PLCB1: variants seen among roughly 807,000 people sequenced by gnomAD.
PLCB1 encodes the protein phospholipase C beta 1.
PLCB1 carries 46 observed loss-of-function variants against 161.8 expected under a neutral mutation model. The ratio of observed to expected loss-of-function variants is 0.28; its 90% confidence interval spans 0.22 to 0.36. The LOEUF (loss-of-function observed/expected upper bound fraction) is 0.36, where lower values mean the gene tolerates loss of function less well. PLCB1 is among the 10% of genes least tolerant of loss of function. The pLI is 1.00. For synonymous variants in PLCB1, 517 were observed against 503.7 expected (o/e 1.03, Z -0.35); for missense variants, 1,016 against 1,472.5 (o/e 0.69, Z 5.07).
At chr20:8,717,137 G>T (rs1347128321) in intron 13 of PLCB1, among the ~76,000 whole-genome samples, 1 of 152,192 alleles carries the variant, frequency 6.6e-6, no homozygotes, top group African/African-American at 2.4e-5. Flanking sequence ...GGGCTGGGAG[G>T]AAATCTGAAG....
chr20:8,543,066 A>T (rs1367720802), intron 3 of PLCB1, among the ~76,000 whole-genome samples: 1 of 152,008 alleles, frequency 6.6e-6, no homozygotes, highest in Admixed American at 6.6e-5. Context: ...TAATCAAAAT[A>T]CCTCCGTATT....
chr20:8,307,048 A>G (rs915943161), intron 2 of PLCB1, among the ~76,000 whole-genome samples: 1 of 152,248 alleles, frequency 6.6e-6, no homozygotes, highest in African/African-American at 2.4e-5. Context: ...AGTGTTTCCA[A>G]CTGTCAGGTC....
rs551716928 is a variant in PLCB1 at position 8,615,293 on chromosome 20, A to G, written c.247-13001A>G. 7.5e-4 allele frequency among the ~76,000 whole-genome samples: 114 copies of G among 152,326 alleles called. 1 individual carries two copies. Among genetic ancestry groups the G allele is most frequent in the Non-Finnish European group, 1.4e-3 (93 of 68,024 alleles). On this transcript the variant is annotated intron_variant, in intron 3 of 31. Transcript: ENST00000338037. ...TTTTGCAAATCAGTTGGGTTTGGGA[A>G]AATCAAATTTATAGGGAAGACAGTG...
chr20:8,825,029 A>G (rs1600358950), intron 31 of PLCB1, among the ~76,000 whole-genome samples: 1 of 152,278 alleles, frequency 6.6e-6, no homozygotes, highest in African/African-American at 2.4e-5. Context: ...CCATCCCCAG[A>G]TGCCACCATA....
At chr20:8,826,283 C>A (rs769515460) in intron 31 of PLCB1, among the ~76,000 whole-genome samples, 2 of 151,980 alleles carry the variant, frequency 1.3e-5, no homozygotes, top group Non-Finnish European at 2.9e-5. Flanking sequence ...ATCACGAGGT[C>A]AGGAGATCGA....
intron 2 of PLCB1, among the ~76,000 whole-genome samples, chr20:8,221,270 C>T (rs1470838349): frequency 6.6e-6 from 1 of 152,218 alleles, no homozygotes; most frequent in Non-Finnish European, 1.5e-5. Context: ...ATTCAGGACT[C>T]GATCACCTCT....
chr20:8,451,824 A>C (rs1351337939), intron 3 of PLCB1, among the ~76,000 whole-genome samples: 1 of 132,918 alleles, frequency 7.5e-6, no homozygotes, highest in East Asian at 2.2e-4. Flanking sequence ...TCTTTCTTCC[A>C]TCTCCCTCTT....
At chr20:8,648,950 AAAAAG>A (rs778621801) in intron 6 of PLCB1, among the ~76,000 whole-genome samples, 54 of 149,326 alleles carry the variant, frequency 3.6e-4, no homozygotes, top group Admixed American at 4.7e-4. Context: ...CTAAAAAAAA[AAAAAG>A]AAAGAAAGAA....
At chr20:8,684,889 T>A in intron 9 of PLCB1, 43 bp from the exon 10 acceptor site, 3 of 1,494,668 alleles carry the variant, frequency 2.0e-6, no homozygotes, top group Non-Finnish European at 2.8e-6. Context: ...TTGACACCCA[T>A]AAAAGAATGC....
chr20:8,673,219 T>C (rs1269355604), intron 9 of PLCB1, among the ~76,000 whole-genome samples: 1 of 152,190 alleles, frequency 6.6e-6, no homozygotes, highest in Admixed American at 6.5e-5. Flanking sequence ...ACTTTACTTG[T>C]GAACCTAATA....
intron 18 of PLCB1, chr20:8,729,387 C>A: frequency 2.8e-6 from 1 of 356,420 alleles, no homozygotes; most frequent in Non-Finnish European, 5.0e-6. Flanking sequence ...ATCTTTATTT[C>A]TACAGGCTTT....
Position 8,881,859 on chromosome 20 carries a change from C to T in PLCB1, c.*10C>T. Reference sequence around the variant, plus strand: ...TGATACTCCTCTGTGAATGCTCCTGCCAGGCCTTCAGAAATTGCATGGCCA... The same window carrying T: ...TGATACTCCTCTGTGAATGCTCCTGTCAGGCCTTCAGAAATTGCATGGCCA... On this transcript the variant is annotated 3_prime_UTR_variant, in exon 32 of 32. Coordinates refer to ENST00000338037, the MANE Select transcript of PLCB1 (RefSeq NM_015192.4). The T allele has an allele frequency of 6.3e-7, 1 of 1,582,774 alleles. No homozygotes were observed. The highest frequency in any genetic ancestry group is 1.3e-5 in the African/African-American group (1 of 74,438).
chr20:8,261,502 C>A (rs2743161), intron 2 of PLCB1, among the ~76,000 whole-genome samples: 1,736 of 152,202 alleles, frequency 0.011, 23 homozygotes, highest in African/African-American at 0.039. Flanking sequence ...TCCAGCTTTG[C>A]GGTTGATGTC....
intron 3 of PLCB1, among the ~76,000 whole-genome samples, chr20:8,499,876 GATAA>G (rs949706414): frequency 8.3e-4 from 126 of 152,270 alleles, no homozygotes; most frequent in African/African-American, 2.8e-3. Context: ...AGGGAACACT[GATAA>G]ATAAACAGGT....
At chr20:8,426,148 C>T (rs150180769) in intron 3 of PLCB1, among the ~76,000 whole-genome samples, 7 of 152,274 alleles carry the variant, frequency 4.6e-5, no homozygotes, top group Non-Finnish European at 1.0e-4. Context: ...TTTCCTGAAA[C>T]GTGGAAGGAT....
At position 8,132,547 on chromosome 20, in the gene PLCB1, C is replaced by T. The variant is rs1283215700; in HGVS notation, c.-105C>T. 12 of 645,884 alleles carry T rather than the reference C, an allele frequency of 1.9e-5. No individual in the cohort carries two copies. The East Asian group carries it at 2.1e-4, about 11-fold the overall frequency. 40.0% of individuals were successfully genotyped at this position (645,884 alleles called of 1,614,324 possible). ...GCCGGCGGGGAGCAGAGTCGAGCGC[C>T]TCCGGAGCAGAGAAAGGAGCCCGCG... On this transcript the variant is annotated 5_prime_UTR_variant, in exon 1 of 32. Coordinates refer to ENST00000338037, the MANE Select transcript of PLCB1 (RefSeq NM_015192.4). The surrounding 1 kb of genome is among the most constrained non-coding windows in gnomAD (Gnocchi z 5.2).
intron 2 of PLCB1, among the ~76,000 whole-genome samples, chr20:8,313,449 C>G (rs1280724039): frequency 6.6e-6 from 1 of 152,102 alleles, no homozygotes; most frequent in Non-Finnish European, 1.5e-5. Context: ...CCCTTTCAAG[C>G]CTCCACCTGT....
chr20:8,455,432 C>CTCTTTTTT (rs1365729968), intron 3 of PLCB1, among the ~76,000 whole-genome samples: 13 of 74,208 alleles, frequency 1.8e-4, no homozygotes, highest in African/African-American at 7.7e-4. Flanking sequence ...TATTCTTCCT[C>CTCTTTTTT]TTTTTTTTTT....
At chr20:8,668,473 A>C (rs1453226716) in intron 9 of PLCB1, among the ~76,000 whole-genome samples, 1 of 152,158 alleles carries the variant, frequency 6.6e-6, no homozygotes, top group East Asian at 1.9e-4. Flanking sequence ...AAATGAGCCC[A>C]AAAAATGCTT....
Sources: allele counts gnomAD v4.1 joint callset (sites outside exome capture counted in the v4.1 genomes callset), GRCh38; gene constraint gnomAD v4.1.1; non-coding constraint Gnocchi (gnomAD v3.1); transcripts MANE v1.5; gene names NCBI Gene and HGNC (gene_info 2026-07-23, HGNC 2026-07-21).